RABGAP1L: variants seen among roughly 807,000 people sequenced by gnomAD.
The protein encoded by RABGAP1L is RAB GTPase activating protein 1 like.
RABGAP1L carries 63 observed loss-of-function variants against 137.7 expected under a neutral mutation model. The observed-to-expected ratio is 0.46, with a 90% CI of 0.37 to 0.56. The LOEUF (loss-of-function observed/expected upper bound fraction) is 0.56. Ranked by LOEUF, RABGAP1L falls within the 20% of genes least tolerant of loss-of-function variation. RABGAP1L has a pLI of 0.00. For synonymous variants in RABGAP1L, 431 were observed against 433.7 expected, an observed-to-expected ratio of 0.99 and a Z score of 0.08; for missense variants, 1,095 against 1,244.0, an observed-to-expected ratio of 0.88 and a Z score of 1.80.
intron 10 of RABGAP1L, among the ~76,000 whole-genome samples, chr1:174,280,753 A>G (rs768468043): frequency 9.9e-5 from 15 of 152,246 alleles, no homozygotes; most frequent in Non-Finnish European, 1.9e-4. Context: ...AGGCTGGGAA[A>G]GTAAACTAGA....
intron 11 of RABGAP1L, among the ~76,000 whole-genome samples, chr1:174,309,356 T>C (rs1055445873): frequency 1.6e-4 from 25 of 152,108 alleles, no homozygotes; most frequent in African/African-American, 5.8e-4. Context: ...TTTCTTTCTC[T>C]TGCCTAATTG....
chr1:174,441,455 C>T (rs1571828898), intron 13 of RABGAP1L, among the ~76,000 whole-genome samples: 1 of 152,146 alleles, frequency 6.6e-6, no homozygotes, highest in East Asian at 1.9e-4. Context: ...GCACAGTCAG[C>T]CAGGTGTGGT....
intron 11 of RABGAP1L, among the ~76,000 whole-genome samples, chr1:174,322,977 T>C (rs983661399): frequency 3.3e-5 from 5 of 152,184 alleles, no homozygotes; most frequent in Non-Finnish European, 7.3e-5. Flanking sequence ...AAATGCCATT[T>C]TTTTTAGAAA....
intron 15 of RABGAP1L, among the ~76,000 whole-genome samples, chr1:174,697,203 C>G (rs1386540014): frequency 1.3e-5 from 2 of 152,176 alleles, no homozygotes; most frequent in Admixed American, 6.5e-5. Context: ...GATTTTACCA[C>G]ATTCAAAGAA....
intron 1 of RABGAP1L, among the ~76,000 whole-genome samples, chr1:174,203,792 G>T (rs967581234): frequency 6.6e-6 from 1 of 152,042 alleles, no homozygotes; most frequent in African/African-American, 2.4e-5. Flanking sequence ...ATAATTCTTA[G>T]TGTAGAGATG....
intron 10 of RABGAP1L, among the ~76,000 whole-genome samples, chr1:174,302,884 T>A (rs1677851962): frequency 6.6e-6 from 1 of 152,224 alleles, no homozygotes; most frequent in African/African-American, 2.4e-5. Context: ...AGATGCATGT[T>A]GGTTTAAACC....
intron 13 of RABGAP1L, among the ~76,000 whole-genome samples, chr1:174,406,947 G>A (rs1030252825): frequency 1.7e-4 from 26 of 152,256 alleles, no homozygotes; most frequent in African/African-American, 5.3e-4. Context: ...TTACACTCCT[G>A]TATTCCAATT....
intron 1 of RABGAP1L, among the ~76,000 whole-genome samples, chr1:174,165,643 G>A (rs758601388): frequency 2.0e-5 from 3 of 151,946 alleles, no homozygotes; most frequent in Non-Finnish European, 4.4e-5. Context: ...GACTATATAG[G>A]CACACACCAA....
chr1:174,797,634 T>TGGG (rs1211224750), intron 18 of RABGAP1L, among the ~76,000 whole-genome samples: 1 of 42,032 alleles, frequency 2.4e-5, no homozygotes, highest in Non-Finnish European at 4.4e-5. Context: ...TGTGGGTGTG[T>TGGG]GGGGGGGTGT....
intron 17 of RABGAP1L, among the ~76,000 whole-genome samples, chr1:174,720,239 C>G (rs1471047946): frequency 6.8e-6 from 1 of 146,058 alleles, no homozygotes; most frequent in Non-Finnish European, 1.5e-5. Context: ...AGATAGCTAG[C>G]TAGCTAGATG....
chr1:174,743,206 A>G lies in RABGAP1L; in HGVS notation c.2170-9107A>G, dbSNP rs115614871. The stretch of plus-strand genomic sequence containing the variant: ...TATATAGCAGGGAAGAGATATAGCA[A>G]TATGTAAGAAACAGGAACTAGAGAG... On this transcript the variant is annotated intron_variant, in intron 17 of 25. Coordinates refer to ENST00000681986, the MANE Select transcript of RABGAP1L (RefSeq NM_001366446.1). Among the ~76,000 whole-genome samples the G allele has an allele frequency of 6.8e-3, 1,043 of 152,310 alleles. 13 individuals carry two copies. Among genetic ancestry groups the G allele is most frequent in the African/African-American group, 0.024 (983 of 41,566 alleles).
chr1:174,701,326 T>G (rs1048435623), intron 16 of RABGAP1L, among the ~76,000 whole-genome samples: 6 of 152,232 alleles, frequency 3.9e-5, no homozygotes, highest in Non-Finnish European at 8.8e-5. Flanking sequence ...TGAAGACAGA[T>G]TTCTAAATAG....
chr1:174,218,643 GA>G, intron 1 of RABGAP1L, among the ~76,000 whole-genome samples: 1 of 152,208 alleles, frequency 6.6e-6, no homozygotes, highest in Non-Finnish European at 1.5e-5. Flanking sequence ...TAGTTACTCA[GA>G]AAAAATATTT....
chr1:174,937,232 G>T (rs2149277829), intron 19 of RABGAP1L, among the ~76,000 whole-genome samples: 1 of 151,682 alleles, frequency 6.6e-6, no homozygotes, highest in East Asian at 1.9e-4. Context: ...ACCCGCTTCG[G>T]CCTCCCAAAG....
At chr1:174,971,763 T>G (rs1291932268) in intron 21 of RABGAP1L, among the ~76,000 whole-genome samples, 1 of 152,248 alleles carries the variant, frequency 6.6e-6, no homozygotes, top group African/African-American at 2.4e-5. Flanking sequence ...AGTACTGGCT[T>G]TGCAGGCCTT....
intron 19 of RABGAP1L, among the ~76,000 whole-genome samples, chr1:174,812,382 C>A (rs1027688236): frequency 6.6e-6 from 1 of 152,178 alleles, no homozygotes; most frequent in African/African-American, 2.4e-5. Context: ...CATTCCCATC[C>A]CACACCTGCC....
At chr1:174,501,454 G>T (rs1661271843) in intron 13 of RABGAP1L, among the ~76,000 whole-genome samples, 1 of 152,090 alleles carries the variant, frequency 6.6e-6, no homozygotes, top group African/African-American at 2.4e-5. Flanking sequence ...CTCCCAAAGT[G>T]CTGGGATTAC....
intron 19 of RABGAP1L, chr1:174,945,829 G>A (rs1666643878): frequency 6.6e-6 from 1 of 152,174 alleles, no homozygotes; most frequent in South Asian, 2.1e-4. Context: ...AGTACCTTAA[G>A]GTGATCTGCT....
chr1:174,936,511 C>A (rs1446171745), intron 19 of RABGAP1L, among the ~76,000 whole-genome samples: 1 of 152,076 alleles, frequency 6.6e-6, no homozygotes, highest in Non-Finnish European at 1.5e-5. Context: ...GGAGGATCAC[C>A]TGAGCCTGGG....
Sources: gnomAD v4.1 joint callset for allele counts (sites outside exome capture counted in the v4.1 genomes callset) on GRCh38, gnomAD v4.1.1 for gene constraint, MANE v1.5 for transcripts, NCBI Gene and HGNC (gene_info 2026-07-23, HGNC 2026-07-21) for gene names.